Variants in CPPED1 observed in about 807,000 individuals in gnomAD.
CPPED1 encodes calcineurin like phosphoesterase domain containing 1, also known as serine/threonine-protein phosphatase CPPED1.
Under a neutral mutation model 28.0 loss-of-function variants are expected in CPPED1, and 28 were observed. The ratio of observed to expected loss-of-function variants is 1.00; its 90% CI spans 0.74 to 1.37. The LOEUF is 1.37. Ranked by LOEUF, CPPED1 falls within the 40% of genes most tolerant of loss-of-function variation. CPPED1 has a pLI of 0.00. For missense variants in CPPED1, 504 were observed against 416.5 expected (o/e 1.21, Z -1.83); for synonymous variants, 198 against 180.2 (o/e 1.10, Z -0.79).
rs117309136 is a variant in CPPED1 at position 12,743,158 on chromosome 16, C to T, written c.289+38027G>A. On this transcript the variant is annotated intron_variant, in intron 2 of 3. Transcript: ENST00000381774. ...CCCAAAATCCAGGTTCTCAGATGCA[C>T]GCCAAGTGCTAGCCTTGTGAATGGG... Among the ~76,000 whole-genome samples, 908 of 152,312 alleles carry T rather than the reference C, an allele frequency of 6.0e-3. 6 individuals carry two copies. The highest frequency in any genetic ancestry group is 0.013 in the South Asian group (62 of 4,824).
At chr16:12,791,755 C>T (rs936199361) in intron 1 of CPPED1, among the ~76,000 whole-genome samples, 1 of 152,196 alleles carries the variant, frequency 6.6e-6, no homozygotes, top group Admixed American at 6.5e-5. Flanking sequence ...GGCTACAGAG[C>T]CACCATCCTG....
chr16:12,803,516 T>C (rs1476131110), intron 1 of CPPED1, among the ~76,000 whole-genome samples, 191 bp downstream of exon 1: 1 of 152,238 alleles, frequency 6.6e-6, no homozygotes, highest in Non-Finnish European at 1.5e-5. Flanking sequence ...GATCGCTCTC[T>C]CGGCCTCGCC....
intron 2 of CPPED1, among the ~76,000 whole-genome samples, chr16:12,715,589 G>C (rs1191747607): frequency 6.6e-6 from 1 of 152,174 alleles, no homozygotes; most frequent in Admixed American, 6.5e-5. Flanking sequence ...GAACTGGGGA[G>C]GTGGAGGTTG....
intron 2 of CPPED1, among the ~76,000 whole-genome samples, chr16:12,710,646 C>T (rs1343155417): frequency 6.6e-6 from 1 of 152,090 alleles, no homozygotes; most frequent in African/African-American, 2.4e-5. Context: ...TCAACAACCA[C>T]TAAAACAACC....
At chr16:12,673,362 T>C (rs1304512889) in intron 3 of CPPED1, among the ~76,000 whole-genome samples, 1 of 152,234 alleles carries the variant, frequency 6.6e-6, no homozygotes, top group African/African-American at 2.4e-5. Context: ...CATTATTATT[T>C]CTTTGCATGC....
At chr16:12,738,907 C>T (rs1169331098) in intron 2 of CPPED1, among the ~76,000 whole-genome samples, 1 of 152,170 alleles carries the variant, frequency 6.6e-6, no homozygotes, top group Non-Finnish European at 1.5e-5. Flanking sequence ...GGCTAATGAT[C>T]ATTACCTCCT....
chr16:12,780,850 G>A (rs1596482808), intron 2 of CPPED1: 1 of 225,382 alleles, frequency 4.4e-6, no homozygotes, highest in African/African-American at 2.3e-5. Context: ...GAGGAGAGAA[G>A]ATTATATTTA....
At chr16:12,684,120 G>C (rs892416998) in intron 3 of CPPED1, among the ~76,000 whole-genome samples, 9 of 152,216 alleles carry the variant, frequency 5.9e-5, no homozygotes, top group Non-Finnish European at 8.8e-5. Flanking sequence ...GAGACGGAGT[G>C]TTTCAGCCTG....
chr16:12,711,744 T>C (rs1353758817), intron 2 of CPPED1, among the ~76,000 whole-genome samples: 1 of 152,164 alleles, frequency 6.6e-6, no homozygotes, highest in Admixed American at 6.5e-5. Flanking sequence ...AGGTTGCTCT[T>C]TATTAGGGGT....
At chr16:12,775,860 T>G (rs2141235495) in intron 2 of CPPED1, among the ~76,000 whole-genome samples, 1 of 152,308 alleles carries the variant, frequency 6.6e-6, no homozygotes, top group South Asian at 2.1e-4. Flanking sequence ...ACACCTCCTT[T>G]GCAAGACTGT....
intron 3 of CPPED1, among the ~76,000 whole-genome samples, chr16:12,689,552 C>T (rs1426489428): frequency 2.0e-5 from 3 of 151,812 alleles, no homozygotes; most frequent in African/African-American, 4.8e-5. Flanking sequence ...TAACAAGAAA[C>T]TGTTCATGAA....
intron 2 of CPPED1, among the ~76,000 whole-genome samples, chr16:12,717,188 G>C (rs909232243): frequency 1.3e-5 from 2 of 152,152 alleles, no homozygotes; most frequent in African/African-American, 4.8e-5. Flanking sequence ...AAGAACTTGG[G>C]TTTCTGAAGC....
At chr16:12,714,131 T>C (rs1489223478) in intron 2 of CPPED1, among the ~76,000 whole-genome samples, 1 of 152,260 alleles carries the variant, frequency 6.6e-6, no homozygotes, top group African/African-American at 2.4e-5. Flanking sequence ...AATTGCTGAA[T>C]ACTATTCTAC....
chr16:12,803,595 T>C lies in CPPED1; in HGVS notation c.70+112A>G, dbSNP rs533612136. 9.6e-5 allele frequency: 92 copies of C among 953,466 alleles called. No individual in the cohort carries two copies. In the African/African-American group the frequency reaches 1.5e-3, roughly 16 times the overall value. The allele number at this position is 953,466 out of a possible 1,614,324, so 59.1% of individuals were successfully genotyped here. The stretch of plus-strand genomic sequence containing the variant: ...AGCTATGGCGGCTCCCAGGCCCCGG[T>C]GCAGCCCCGGATGGTGTCCGACTGG... On this transcript the variant is annotated intron_variant, in intron 1 of 3. Coordinates refer to ENST00000381774, the MANE Select transcript of CPPED1 (RefSeq NM_018340.3).
At chr16:12,729,398 A>T (rs1209635701) in intron 2 of CPPED1, among the ~76,000 whole-genome samples, 8 of 152,222 alleles carry the variant, frequency 5.3e-5, no homozygotes, top group Admixed American at 5.2e-4. Flanking sequence ...ATATAATTGT[A>T]TACAAAGATT....
chr16:12,672,095 C>T (rs1358154312), intron 3 of CPPED1, among the ~76,000 whole-genome samples: 2 of 152,226 alleles, frequency 1.3e-5, no homozygotes, highest in African/African-American at 4.8e-5. Context: ...CAGTAGACTA[C>T]ACCATCTAGG....
intron 2 of CPPED1, among the ~76,000 whole-genome samples, chr16:12,734,365 T>C (rs1446420504): frequency 6.6e-6 from 1 of 151,568 alleles, no homozygotes; most frequent in African/African-American, 2.4e-5. Context: ...TCACTGCACC[T>C]GGCCACACAA....
intron 3 of CPPED1, among the ~76,000 whole-genome samples, chr16:12,667,473 G>A (rs1360867691): frequency 6.6e-6 from 1 of 152,156 alleles, no homozygotes; most frequent in African/African-American, 2.4e-5. Flanking sequence ...AATGAGATAG[G>A]CCAGGCATGG....
intron 3 of CPPED1, among the ~76,000 whole-genome samples, chr16:12,665,581 C>G (rs2079821102): frequency 6.6e-6 from 1 of 151,660 alleles, no homozygotes; most frequent in Non-Finnish European, 1.5e-5. Flanking sequence ...CACTTGAGGT[C>G]AGGAGTTCGA....
Sources: gnomAD v4.1 joint callset for allele counts (sites outside exome capture counted in the v4.1 genomes callset) on GRCh38, gnomAD v4.1.1 for gene constraint, MANE v1.5 for transcripts, NCBI Gene and HGNC (gene_info 2026-07-23, HGNC 2026-07-21) for gene names.